The following CAMTA1 variants were observed in gnomAD, a reference collection of about 807,000 sequenced individuals.
The protein encoded by CAMTA1 is calmodulin-binding transcription activator 1.
CAMTA1 carries 27 observed loss-of-function variants against 170.9 expected under a neutral mutation model. That is an observed-to-expected ratio of 0.16 (90% CI 0.12 to 0.22). The LOEUF is 0.22. Among genes scored for constraint, CAMTA1 ranks in the 10% least tolerant of loss-of-function variants. The probability of loss-of-function intolerance (pLI) is 1.00; values close to 1 mark genes in which losing one functional copy is unlikely to be tolerated. For synonymous variants in CAMTA1, 833 were observed against 891.5 expected (o/e 0.93, Z 1.17); for missense variants, 1,619 against 2,217.2 (o/e 0.73, Z 5.42).
At chr1:7,544,192 T>C (rs1386368646) in intron 6 of CAMTA1, among the ~76,000 whole-genome samples, 2 of 152,166 alleles carry the variant, frequency 1.3e-5, no homozygotes, top group East Asian at 1.9e-4. Context: ...AAAAGGCACT[T>C]CTTACATGGC....
intron 3 of CAMTA1, among the ~76,000 whole-genome samples, chr1:7,009,520 C>CCAGGCCTGT (rs1472107201): frequency 6.6e-6 from 1 of 152,180 alleles, no homozygotes; most frequent in Non-Finnish European, 1.5e-5. Context: ...GCCAGGGCTG[C>CCAGGCCTGT]CAGGCCTGTT....
chr1:7,276,303 A>ATAATTTTTTTTTTTTT, intron 5 of CAMTA1, among the ~76,000 whole-genome samples: 2 of 24,228 alleles, frequency 8.3e-5, no homozygotes, highest in African/African-American at 5.9e-4. Flanking sequence ...ATATATATAT[A>ATAATTTTTTTTTTTTT]TTTTTTTTTT....
At chr1:7,523,157 G>A (rs534874605) in intron 6 of CAMTA1, among the ~76,000 whole-genome samples, 11 of 152,328 alleles carry the variant, frequency 7.2e-5, no homozygotes, top group Admixed American at 2.0e-4. Flanking sequence ...GTGAGCCACC[G>A]TGTCTGGCCC....
chr1:6,938,216 C>A (rs1685784968), intron 3 of CAMTA1, among the ~76,000 whole-genome samples: 1 of 152,154 alleles, frequency 6.6e-6, no homozygotes, highest in East Asian at 1.9e-4. Context: ...TTTGAGGATG[C>A]AATAATTTTG....
chr1:7,563,007 T>C (rs2094980478), intron 6 of CAMTA1, among the ~76,000 whole-genome samples: 1 of 152,200 alleles, frequency 6.6e-6, no homozygotes, highest in African/African-American at 2.4e-5. Context: ...CTGGGTACAC[T>C]GCTTCCCACA....
intron 6 of CAMTA1, among the ~76,000 whole-genome samples, chr1:7,583,797 C>T (rs548673982): frequency 2.0e-4 from 31 of 152,118 alleles, no homozygotes; most frequent in Non-Finnish European, 3.8e-4. Context: ...CAACTCCACA[C>T]GGTGAGTGGG....
rs763824909 is a variant in CAMTA1 at position 7,251,873 on chromosome 1, TTG to T, written c.438+2262_438+2263del. Among the ~76,000 whole-genome samples, 3 of 150,944 alleles carry T rather than the reference TTG, an allele frequency of 2.0e-5. No individual in the cohort carries two copies. The highest frequency in any genetic ancestry group is 2.1e-4 in the South Asian group (1 of 4,738). The stretch of plus-strand genomic sequence containing the variant: ...GGACTCTGTGTGTGTGTATATATGT[TTG>T]TGTGTGTGTGTGTGCGTATGTGCAA... On this transcript the variant is annotated intron_variant, in intron 5 of 22. Transcript: ENST00000303635. The surrounding 1 kb of genome is among the most constrained non-coding windows in gnomAD (Gnocchi z 5.1).
intron 6 of CAMTA1, among the ~76,000 whole-genome samples, chr1:7,579,302 G>C (rs1273735160): frequency 6.6e-6 from 1 of 152,222 alleles, no homozygotes; most frequent in African/African-American, 2.4e-5. Flanking sequence ...CCAGCCTGGC[G>C]AGGCTTCCAA....
At chr1:7,081,962 T>C (rs1378943706) in intron 3 of CAMTA1, among the ~76,000 whole-genome samples, 1 of 152,222 alleles carries the variant, frequency 6.6e-6, no homozygotes, top group African/African-American at 2.4e-5. Flanking sequence ...CTGCCTCTCA[T>C]TTCCCCAGCC....
At chr1:7,541,690 G>A (rs1002723685) in intron 6 of CAMTA1, among the ~76,000 whole-genome samples, 11 of 152,176 alleles carry the variant, frequency 7.2e-5, no homozygotes, top group African/African-American at 2.7e-4. Context: ...ACACGGGCGC[G>A]TTCCCCCAAA....
chr1:7,538,988 T>TC (rs70984091), intron 6 of CAMTA1, among the ~76,000 whole-genome samples: 120,851 of 152,176 alleles, frequency 0.79, 48,528 homozygotes, highest in African/African-American at 0.91. Context: ...CTGCTTTCCT[T>TC]CCCTTTCATC....
chr1:6,823,635 A>G (rs577069902), intron 2 of CAMTA1, among the ~76,000 whole-genome samples: 25 of 152,230 alleles, frequency 1.6e-4, no homozygotes, highest in African/African-American at 4.8e-5. Context: ...TCTATGCCCA[A>G]TATTTTCCTT....
At position 7,201,333 on chromosome 1, in the gene CAMTA1, T is replaced by C. The variant is rs187356609; in HGVS notation, c.303-48158T>C. 1.8e-3 allele frequency among the ~76,000 whole-genome samples: 269 copies of C among 152,378 alleles called. 1 individual carries two copies. The highest frequency in any genetic ancestry group is 6.2e-3 in the African/African-American group (258 of 41,594). ...ATTTGGCTATTATTAACCATGATGC[T>C]ATAAACATTTGTGCACATGTTTTTG... On this transcript the variant is annotated intron_variant, in intron 4 of 22. Transcript: ENST00000303635.
chr1:7,601,354 C>T (rs1240904418), intron 6 of CAMTA1, among the ~76,000 whole-genome samples: 33 of 151,682 alleles, frequency 2.2e-4, no homozygotes, highest in Non-Finnish European at 1.6e-4. Flanking sequence ...GGCGGCAGGG[C>T]AGAGGCGCTC....
At chr1:7,073,844 G>A (rs541741542) in intron 3 of CAMTA1, among the ~76,000 whole-genome samples, 2 of 152,310 alleles carry the variant, frequency 1.3e-5, no homozygotes, top group East Asian at 3.9e-4. Flanking sequence ...TGCAAAGGAA[G>A]TTTGCTTTGA....
chr1:7,408,945 C>T (rs980920968), intron 5 of CAMTA1, among the ~76,000 whole-genome samples: 1 of 152,220 alleles, frequency 6.6e-6, no homozygotes, highest in Non-Finnish European at 1.5e-5. Flanking sequence ...CCTCCCTGCC[C>T]ATATGAAAGC....
chr1:7,261,528 A>T (rs1668168985), intron 5 of CAMTA1, among the ~76,000 whole-genome samples: 1 of 152,220 alleles, frequency 6.6e-6, no homozygotes, highest in Non-Finnish European at 1.5e-5. Flanking sequence ...GTTACCCTGA[A>T]CCAATTCATG....
At chr1:7,519,348 G>T (rs17031062) in intron 6 of CAMTA1, among the ~76,000 whole-genome samples, 2,246 of 152,076 alleles carry the variant, frequency 0.015, 94 homozygotes, top group African/African-American at 0.052. Flanking sequence ...TCCTGCTCAC[G>T]GCAGCTCCAC....
In CAMTA1 at chr1:7,088,956, C is replaced by T. The variant is rs544481526; in HGVS notation, c.235-2348C>T. Reference sequence around the variant, plus strand: ...AACCAACAACTCTGAACGGTCATTCCGATGTTACCATTCATTGTCTGCAGG... The same window carrying T: ...AACCAACAACTCTGAACGGTCATTCTGATGTTACCATTCATTGTCTGCAGG... On this transcript the variant is annotated intron_variant, in intron 3 of 22. Coordinates refer to ENST00000303635, the MANE Select transcript of CAMTA1 (RefSeq NM_015215.4). Among the ~76,000 whole-genome samples the T allele has an allele frequency of 7.2e-5, 11 of 152,298 alleles. No homozygotes were observed. The East Asian group carries it at 1.2e-3, about 16-fold the overall frequency.
Sources: gnomAD v4.1 joint callset for allele counts (sites outside exome capture counted in the v4.1 genomes callset) on GRCh38, gnomAD v4.1.1 for gene constraint, Gnocchi (gnomAD v3.1) non-coding constraint, MANE v1.5 for transcripts, NCBI Gene and HGNC (gene_info 2026-07-23, HGNC 2026-07-21) for gene names.